DNAJC13: variants seen among roughly 807,000 people sequenced by gnomAD.
DNAJC13 encodes the protein dnaJ homolog subfamily C member 13.
DNAJC13 carries 75 observed loss-of-function variants against 290.5 expected under a neutral mutation model. That is an observed-to-expected ratio of 0.26 (90% CI 0.21 to 0.31). The LOEUF is 0.31. Ranked by LOEUF, DNAJC13 falls within the 10% of genes least tolerant of loss-of-function variation. The pLI is 1.00. For missense variants in DNAJC13, 2,260 were observed against 2,674.5 expected, an observed-to-expected ratio of 0.85 and a Z score of 3.42; for synonymous variants, 862 against 892.0, an observed-to-expected ratio of 0.97 and a Z score of 0.60.
chr3:132,490,754 C>T, intron 31 of DNAJC13, 143 bp from the exon 32 acceptor site: 4 of 852,426 alleles, frequency 4.7e-6, no homozygotes, highest in Non-Finnish European at 6.7e-6. Flanking sequence ...GCTGTGTTTC[C>T]ATCTACATTC....
intron 21 of DNAJC13, chr3:132,474,225 TGTG>T (rs1274383665): frequency 6.7e-6 from 1 of 149,978 alleles, no homozygotes; most frequent in African/African-American, 2.4e-5. Flanking sequence ...ACAAGAGAAT[TGTG>T]GTGTTTTTTT....
At chr3:132,440,528 G>T (rs1933027757) in intron 2 of DNAJC13, among the ~76,000 whole-genome samples, 1 of 152,200 alleles carries the variant, frequency 6.6e-6, no homozygotes, top group Non-Finnish European at 1.5e-5. Context: ...CTGCATATAT[G>T]ATGATCCCAT....
In DNAJC13 at chr3:132,466,346, G is replaced by A. The variant is rs768558614; in HGVS notation, c.2016G>A (p.Glu672=). The A allele has an allele frequency of 1.2e-6, 2 of 1,603,794 alleles. No individual in the cohort carries two copies. The highest frequency in any genetic ancestry group is 3.5e-5 in the Admixed American group (2 of 56,846). Residue 672 remains glutamate (E), a synonymous_variant, in exon 19 of 56, where the codon GAG becomes GAA. Coordinates refer to ENST00000260818, the MANE Select transcript of DNAJC13 (RefSeq NM_015268.4). ...TGGAAAGCTCAGATCTCGTACCTGA[G>A]AAGGATGCTGATCGGATGCATGTTA... The part of the protein sequence containing the change: ...AYLESSDLVP[E]KDADRMHVRD...
At chr3:132,480,256 C>G (rs149733593) in intron 25 of DNAJC13, 113 bp from the exon 26 acceptor site, 1 of 578,504 alleles carries the variant, frequency 1.7e-6, no homozygotes, top group South Asian at 2.5e-5. Flanking sequence ...TCCAAACATT[C>G]TTTTCTTCGA....
In DNAJC13 at chr3:132,507,320, G is replaced by A; in HGVS notation, c.5082G>A (p.Arg1694=). The change falls in exon 43 of 56, where the codon AGG becomes AGA. Residue 1694 remains arginine, a synonymous_variant. Transcript: ENST00000260818. The part of the protein sequence containing the change: ...KELIVGEIFV[R]VYNEVPTFQL... ...TTATTGTAGGGGAGATTTTTGTTAG[G>A]GTGTATAATGAAGTTCCTACTTTCC... 1 of 1,611,510 alleles carries A rather than the reference G, an allele frequency of 6.2e-7. No homozygotes were observed. Among genetic ancestry groups the A allele is most frequent in the Admixed American group, 1.7e-5 (1 of 59,978 alleles).
intron 44 of DNAJC13, 85 bp downstream of exon 44, chr3:132,511,329 CAG>C: frequency 6.8e-7 from 1 of 1,465,450 alleles, no homozygotes; most frequent in Non-Finnish European, 9.3e-7. Flanking sequence ...CAGGGAAACT[CAG>C]GGAAAATTAT....
At chr3:132,424,126 A>G (rs1939032521) in intron 1 of DNAJC13, among the ~76,000 whole-genome samples, 1 of 152,212 alleles carries the variant, frequency 6.6e-6, no homozygotes, top group South Asian at 2.1e-4. Context: ...TATGTAAATG[A>G]TCAATAGCAA....
intron 53 of DNAJC13, among the ~76,000 whole-genome samples, chr3:132,527,801 A>G (rs1936304469): frequency 6.6e-6 from 1 of 152,198 alleles, no homozygotes; most frequent in Middle Eastern, 3.2e-3. Flanking sequence ...AAAATATGAA[A>G]AAATACTAAT....
intron 55 of DNAJC13, among the ~76,000 whole-genome samples, chr3:132,537,474 A>C (rs892376803): frequency 2.0e-5 from 3 of 152,246 alleles, no homozygotes; most frequent in Admixed American, 2.0e-4. Flanking sequence ...CAATGTTTAA[A>C]ATAAACTCTA....
intron 37 of DNAJC13, 106 bp downstream of exon 37, chr3:132,499,416 TC>T: frequency 1.0e-6 from 1 of 988,586 alleles, no homozygotes; most frequent in Non-Finnish European, 1.5e-6. Context: ...TTAATTTATT[TC>T]AGCAGATAAC....
chr3:132,469,386 C>G (rs57622565), intron 20 of DNAJC13, among the ~76,000 whole-genome samples: 5,840 of 152,246 alleles, frequency 0.038, 373 homozygotes, highest in African/African-American at 0.13. Context: ...ATGCTCTGTG[C>G]TGGATTAGTA....
At chr3:132,499,921 C>T (rs1935358521) in intron 38 of DNAJC13, 113 bp downstream of exon 38, 3 of 913,936 alleles carry the variant, frequency 3.3e-6, no homozygotes, top group Non-Finnish European at 5.1e-6. Flanking sequence ...CTGAGCTCCA[C>T]CCCACCCCAA....
chr3:132,521,807 T>C (rs1245885767), intron 48 of DNAJC13, among the ~76,000 whole-genome samples: 1 of 152,194 alleles, frequency 6.6e-6, no homozygotes, highest in Non-Finnish European at 1.5e-5. Context: ...GTGAAACCTC[T>C]TGTTGAGTTT....
chr3:132,434,852 A>C (rs1939338532), intron 2 of DNAJC13, among the ~76,000 whole-genome samples: 1 of 152,228 alleles, frequency 6.6e-6, no homozygotes, highest in Admixed American at 6.5e-5. Context: ...TGACAGTTAA[A>C]AGGAAAGTAA....
intron 53 of DNAJC13, among the ~76,000 whole-genome samples, chr3:132,527,216 A>G (rs995002395): frequency 3.9e-5 from 6 of 152,252 alleles, no homozygotes; most frequent in Non-Finnish European, 5.9e-5. Flanking sequence ...AATAAAAAAT[A>G]ATAAAGTATT....
chr3:132,479,008 T>G (rs1388655856), intron 24 of DNAJC13, among the ~76,000 whole-genome samples: 1 of 152,242 alleles, frequency 6.6e-6, no homozygotes, highest in African/African-American at 2.4e-5. Flanking sequence ...CTTTAAAATG[T>G]CTGCCTTTCT....
chr3:132,512,897 C>A, intron 44 of DNAJC13, 111 bp from the exon 45 acceptor site: 1 of 867,680 alleles, frequency 1.2e-6, no homozygotes, highest in Non-Finnish European at 1.8e-6. Context: ...TGTTTAGAAC[C>A]AGTTATCAGA....
rs1376673235 is a variant in DNAJC13 at position 132,528,255 on chromosome 3, G to A, written c.6448G>A (p.Asp2150Asn). 1.2e-6 allele frequency: 2 copies of A among 1,614,146 alleles called. No homozygotes were observed. The highest frequency in any genetic ancestry group is 3.3e-5 in the Admixed American group (2 of 60,022). Residue 2150 changes from aspartate (D) to asparagine (N), a missense_variant, in exon 54 of 56, where the codon GAC becomes AAC. Asp to Asn is a conservative substitution (Grantham distance 23). Around this residue, in one of 3 missense-constraint regions of DNAJC13, gnomAD observed 1,494 missense variants for 1,693.7 expected, o/e 0.88. Transcript: ENST00000260818. ...LLEGIGLENLDSPAATKAQIV... is the reference protein window; with the variant it reads ...LLEGIGLENLNSPAATKAQIV... ...CGAAGGCATTGGCCTTGAAAACCTGGACAGCCCAGCAGCCACTAAGGCTCA... is the reference window on the plus strand; with the variant it reads ...CGAAGGCATTGGCCTTGAAAACCTGAACAGCCCAGCAGCCACTAAGGCTCA...
chr3:132,532,534 G>A (rs1471068210), intron 55 of DNAJC13, among the ~76,000 whole-genome samples: 1 of 152,030 alleles, frequency 6.6e-6, no homozygotes, highest in East Asian at 1.9e-4. Context: ...TACCTAGACT[G>A]TGTTCTCAGT....
Sources: gnomAD v4.1 joint callset for allele counts (sites outside exome capture counted in the v4.1 genomes callset) on GRCh38, gnomAD v4.1.1 for gene constraint, gnomAD v4.1.1 regional missense constraint, MANE v1.5 for transcripts, NCBI Gene and HGNC (gene_info 2026-07-23, HGNC 2026-07-21) for gene names.